The following PRKG1 variants were observed in gnomAD, a reference collection of about 807,000 sequenced individuals.
The protein encoded by PRKG1 is protein kinase cGMP-dependent 1, also known as cGMP-dependent protein kinase 1.
A neutral mutation model predicts 88.1 loss-of-function variants in PRKG1; 35 were observed. The ratio of observed to expected loss-of-function variants is 0.40; its 90% CI spans 0.30 to 0.53. PRKG1 has a LOEUF of 0.53. Ranked by LOEUF, PRKG1 falls within the 20% of genes least tolerant of loss-of-function variation. The pLI, the probability that PRKG1 is intolerant of heterozygous loss-of-function variation, is 0.59. For synonymous variants in PRKG1, 303 were observed against 292.5 expected, an observed-to-expected ratio of 1.04 and a Z score of -0.37; for missense variants, 540 against 839.8, an observed-to-expected ratio of 0.64 and a Z score of 4.41.
chr10:51,378,987 A>G (rs1842868579), intron 2 of PRKG1, among the ~76,000 whole-genome samples: 1 of 152,116 alleles, frequency 6.6e-6, no homozygotes, highest in African/African-American at 2.4e-5. Flanking sequence ...GTTTATGCTG[A>G]CCTTGAATAT....
chr10:51,349,955 G>A (rs1842204363), intron 2 of PRKG1, among the ~76,000 whole-genome samples: 1 of 152,068 alleles, frequency 6.6e-6, no homozygotes, highest in African/African-American at 2.4e-5. Context: ...AAAAGGCAAG[G>A]GCAAGATGCA....
At chr10:51,227,213 G>A (rs1283123306) in intron 2 of PRKG1, among the ~76,000 whole-genome samples, 1 of 150,820 alleles carries the variant, frequency 6.6e-6, no homozygotes, top group Non-Finnish European at 1.5e-5. Flanking sequence ...ATCCCTTTAA[G>A]TTCTTTTGAT....
chr10:52,004,236 G>GT (rs1414885650), intron 5 of PRKG1, among the ~76,000 whole-genome samples: 1 of 152,190 alleles, frequency 6.6e-6, no homozygotes, highest in South Asian at 2.1e-4. Flanking sequence ...GTTTTTGTGT[G>GT]TGTTTGTTTT....
chr10:51,936,869 A>G (rs1284678370), intron 5 of PRKG1, among the ~76,000 whole-genome samples: 1 of 152,062 alleles, frequency 6.6e-6, no homozygotes, highest in African/African-American at 2.4e-5. Context: ...CATATTAGAA[A>G]CAACCCATTT....
At chr10:52,202,325 C>A (rs759260658) in intron 9 of PRKG1, among the ~76,000 whole-genome samples, 7 of 152,036 alleles carry the variant, frequency 4.6e-5, no homozygotes, top group Admixed American at 2.0e-4. Context: ...GTTTTTAATT[C>A]CACTTATGTG....
At chr10:52,012,209 G>GT (rs146679245) in intron 5 of PRKG1, among the ~76,000 whole-genome samples, 6,274 of 144,796 alleles carry the variant, frequency 0.043, 326 homozygotes, top group African/African-American at 0.13. Context: ...GCACAGTTTT[G>GT]TTTTTTTCCA....
intron 2 of PRKG1, among the ~76,000 whole-genome samples, chr10:51,440,499 A>G (rs1195714096): frequency 2.0e-5 from 3 of 151,920 alleles, no homozygotes; most frequent in Non-Finnish European, 4.4e-5. Context: ...CTACATAAAG[A>G]TTTCAAGAGA....
chr10:51,335,203 G>A (rs1357147214), intron 2 of PRKG1, among the ~76,000 whole-genome samples: 4 of 151,484 alleles, frequency 2.6e-5, no homozygotes, highest in African/African-American at 4.8e-5. Flanking sequence ...TAGTGGAGAC[G>A]GGATTTCACC....
chr10:52,143,090 G>C (rs1430342709), intron 8 of PRKG1, among the ~76,000 whole-genome samples: 1 of 152,140 alleles, frequency 6.6e-6, no homozygotes, highest in Non-Finnish European at 1.5e-5. Flanking sequence ...GGAATAATAA[G>C]GGATTACCAA....
intron 3 of PRKG1, among the ~76,000 whole-genome samples, chr10:51,615,675 AT>A (rs930129848): frequency 6.1e-5 from 9 of 147,186 alleles, no homozygotes; most frequent in African/African-American, 2.2e-4. Context: ...TTTTTTAATG[AT>A]GCTTGTCTCT....
chr10:51,821,473 A>G (rs577550305), intron 4 of PRKG1, among the ~76,000 whole-genome samples: 2 of 152,248 alleles, frequency 1.3e-5, no homozygotes, highest in Non-Finnish European at 1.5e-5. Flanking sequence ...AAAAATATAA[A>G]AAAAGAGGTT....
chr10:51,816,244 A>C (rs1200570661), intron 4 of PRKG1, among the ~76,000 whole-genome samples: 1 of 152,158 alleles, frequency 6.6e-6, no homozygotes, highest in Non-Finnish European at 1.5e-5. Flanking sequence ...TAAGAGACTT[A>C]ATACATTGAT....
intron 4 of PRKG1, among the ~76,000 whole-genome samples, chr10:51,810,035 C>T (rs765537092): frequency 1.3e-5 from 2 of 152,188 alleles, no homozygotes; most frequent in South Asian, 2.1e-4. Context: ...CCAGAGTGAT[C>T]TAAGATGTGA....
intron 2 of PRKG1, among the ~76,000 whole-genome samples, chr10:51,229,735 C>T: frequency 6.6e-6 from 1 of 151,656 alleles, no homozygotes; most frequent in Non-Finnish European, 1.5e-5. Flanking sequence ...TCAAGTCTGA[C>T]CTGGGAAACG....
intron 4 of PRKG1, among the ~76,000 whole-genome samples, chr10:51,816,618 A>G (rs1818975875): frequency 6.6e-6 from 1 of 151,452 alleles, no homozygotes; most frequent in African/African-American, 2.4e-5. Flanking sequence ...AAGTAATTTC[A>G]AAACAGAGGA....
rs16927140 is a variant in PRKG1 at position 52,133,670 on chromosome 10, G to T, written c.936-170G>T. On this transcript the variant is annotated intron_variant, in intron 7 of 17. Coordinates refer to ENST00000373980, the MANE Select transcript of PRKG1 (RefSeq NM_006258.4). ...AGGATTTGTATGATTAATGACAAGG[G>T]TAAGATGATTCCTCAAAAAAAATTT... Among the ~76,000 whole-genome samples, 4,631 of 152,140 alleles carry T rather than the reference G, an allele frequency of 0.03. 209 individuals carry two copies. The highest frequency in any genetic ancestry group is 0.1 in the African/African-American group (4,341 of 41,502).
intron 3 of PRKG1, among the ~76,000 whole-genome samples, chr10:51,646,176 A>G (rs926271848): frequency 3.9e-5 from 6 of 152,192 alleles, no homozygotes; most frequent in Non-Finnish European, 5.9e-5. Context: ...TGTTGGTTAG[A>G]TACATGGGCT....
intron 5 of PRKG1, among the ~76,000 whole-genome samples, chr10:52,017,964 A>T (rs1046273625): frequency 6.6e-6 from 1 of 152,208 alleles, no homozygotes; most frequent in Non-Finnish European, 1.5e-5. Context: ...CTACAATTGC[A>T]CTTTTCTCCT....
At chr10:51,917,318 CAAA>C (rs1288522303) in intron 5 of PRKG1, among the ~76,000 whole-genome samples, 4 of 69,490 alleles carry the variant, frequency 5.8e-5, no homozygotes, top group Admixed American at 1.7e-4. Flanking sequence ...GACTCCATCT[CAAA>C]AAAAAAAAAA....
Sources: allele counts gnomAD v4.1 joint callset (sites outside exome capture counted in the v4.1 genomes callset), GRCh38; gene constraint gnomAD v4.1.1; transcripts MANE v1.5; gene names NCBI Gene and HGNC (gene_info 2026-07-23, HGNC 2026-07-21).